ASCC1: variants seen among roughly 807,000 people sequenced by gnomAD.
ASCC1 encodes the protein ASC-1 complex subunit P50.
In ASCC1, 35 loss-of-function variants were observed where a neutral mutation model predicts 46.6. That is an observed-to-expected ratio of 0.75 (90% CI 0.57 to 0.99). The LOEUF (loss-of-function observed/expected upper bound fraction) is 0.99, where lower values mean the gene tolerates loss of function less well. ASCC1 is among the 50% of genes least tolerant of loss of function. The pLI is 0.00. For missense variants in ASCC1, 376 were observed against 428.7 expected (o/e 0.88, Z 1.09); for synonymous variants, 143 against 146.6 (o/e 0.98, Z 0.18).
At chr10:72,143,631 A>G (rs559277348) in intron 7 of ASCC1, among the ~76,000 whole-genome samples, 5 of 148,296 alleles carry the variant, frequency 3.4e-5, no homozygotes, top group African/African-American at 1.3e-4. Context: ...CTAGTATGTA[A>G]TCATTTTTTT....
chr10:72,168,782 A>T (rs1301362781), intron 5 of ASCC1, among the ~76,000 whole-genome samples: 1 of 152,240 alleles, frequency 6.6e-6, no homozygotes, highest in African/African-American at 2.4e-5. Context: ...AAACAGTCGC[A>T]TGAGGACACA....
chr10:72,160,729 A>T (rs1265758646), intron 6 of ASCC1, among the ~76,000 whole-genome samples: 2 of 150,778 alleles, frequency 1.3e-5, no homozygotes, highest in Non-Finnish European at 3.0e-5. Context: ...ATAATAATAA[A>T]AAAAGTTTTA....
chr10:72,186,081 T>C (rs1053187455), intron 5 of ASCC1, among the ~76,000 whole-genome samples: 2 of 151,834 alleles, frequency 1.3e-5, no homozygotes, highest in African/African-American at 4.8e-5. Flanking sequence ...AAAATGGGAG[T>C]TAGCTTCTAA....
intron 3 of ASCC1, among the ~76,000 whole-genome samples, chr10:72,207,622 C>G (rs1163797386): frequency 6.6e-6 from 1 of 152,080 alleles, no homozygotes; most frequent in Admixed American, 6.6e-5. Flanking sequence ...GGGGTGCACC[C>G]AAGCCCTGGG....
At chr10:72,128,005 A>G in intron 9 of ASCC1, 77 bp downstream of exon 9, 2 of 1,100,936 alleles carry the variant, frequency 1.8e-6, no homozygotes, top group East Asian at 2.4e-5. Context: ...GAAGAAATAT[A>G]CGGAGAACTA....
chr10:72,135,873 G>A (rs112411482), intron 7 of ASCC1, among the ~76,000 whole-genome samples: 3 of 152,220 alleles, frequency 2.0e-5, no homozygotes, highest in African/African-American at 7.2e-5. Flanking sequence ...GAATGTCAAA[G>A]AACACAATAC....
chr10:72,151,807 G>A (rs1848372096), intron 7 of ASCC1, among the ~76,000 whole-genome samples: 1 of 149,792 alleles, frequency 6.7e-6, no homozygotes, highest in Non-Finnish European at 1.5e-5. Context: ...TCCTGCCTCA[G>A]CCTCCCGAGT....
At chr10:72,167,976 G>T (rs140834972) in intron 5 of ASCC1, among the ~76,000 whole-genome samples, 5,189 of 152,160 alleles carry the variant, frequency 0.034, 311 homozygotes, top group African/African-American at 0.12. Flanking sequence ...GGATCACGAG[G>T]TCAGGAGATC....
At chr10:72,155,526 A>G (rs553245020) in intron 6 of ASCC1, among the ~76,000 whole-genome samples, 1 of 152,350 alleles carries the variant, frequency 6.6e-6, no homozygotes, top group South Asian at 2.1e-4. Flanking sequence ...AACTACACCT[A>G]AGATCTGTGC....
chr10:72,146,549 A>G (rs1351073211), intron 7 of ASCC1, among the ~76,000 whole-genome samples: 1 of 152,206 alleles, frequency 6.6e-6, no homozygotes, highest in Non-Finnish European at 1.5e-5. Context: ...TTTGAGAGGG[A>G]CAAGGGACAA....
At chr10:72,197,076 G>T in intron 4 of ASCC1, 87 bp from the exon 5 acceptor site, 1 of 1,308,414 alleles carries the variant, frequency 7.6e-7, no homozygotes, top group Non-Finnish European at 1.1e-6. Context: ...CCTCTGAGGA[G>T]CTAAAGCAGT....
At chr10:72,150,179 C>A (rs1178810085) in intron 7 of ASCC1, among the ~76,000 whole-genome samples, 3 of 150,524 alleles carry the variant, frequency 2.0e-5, no homozygotes, top group African/African-American at 7.4e-5. Context: ...AAGCAAAACT[C>A]TGTCTCAAAA....
chr10:72,124,032 A>G (rs561615844), intron 9 of ASCC1, among the ~76,000 whole-genome samples: 1 of 152,360 alleles, frequency 6.6e-6, no homozygotes, highest in South Asian at 2.1e-4. Context: ...ATTGAAATTT[A>G]TTCATTATAA....
intron 9 of ASCC1, among the ~76,000 whole-genome samples, chr10:72,111,691 G>A (rs1842934655): frequency 6.6e-6 from 1 of 152,082 alleles, no homozygotes. Context: ...GCCCAGGCTG[G>A]AGTGCAATGG....
intron 5 of ASCC1, among the ~76,000 whole-genome samples, chr10:72,186,190 T>C (rs1034608444): frequency 1.3e-5 from 2 of 151,376 alleles, no homozygotes; most frequent in Non-Finnish European, 2.9e-5. Context: ...GTAGAGACAA[T>C]GTCTTACTAC....
chr10:72,172,282 GT>G (rs1851199836), intron 5 of ASCC1, among the ~76,000 whole-genome samples: 4 of 151,696 alleles, frequency 2.6e-5, no homozygotes, highest in Non-Finnish European at 4.4e-5. Flanking sequence ...AGGCCTAGTG[GT>G]GCACAACTGT....
At chr10:72,179,003 G>T (rs1321916791) in intron 5 of ASCC1, among the ~76,000 whole-genome samples, 1 of 151,894 alleles carries the variant, frequency 6.6e-6, no homozygotes, top group East Asian at 1.9e-4. Flanking sequence ...CTTAATGAAC[G>T]TGTCCTTAGA....
chr10:72,156,178 A>T (rs1848931725), intron 6 of ASCC1, among the ~76,000 whole-genome samples: 1 of 152,050 alleles, frequency 6.6e-6, no homozygotes, highest in South Asian at 2.1e-4. Context: ...TTCACACAAA[A>T]TCTACTTGTT....
At chr10:72,214,947 A>T (rs1297593485) in intron 1 of ASCC1, among the ~76,000 whole-genome samples, 1 of 152,242 alleles carries the variant, frequency 6.6e-6, no homozygotes, top group Non-Finnish European at 1.5e-5. Flanking sequence ...GCTTCTGGTC[A>T]CATCACTTAA....
Sources: allele counts gnomAD v4.1 joint callset (sites outside exome capture counted in the v4.1 genomes callset), GRCh38; gene constraint gnomAD v4.1.1; transcripts MANE v1.5; gene names NCBI Gene and HGNC (gene_info 2026-07-23, HGNC 2026-07-21).